OSBPL1A: variants seen among roughly 807,000 people sequenced by gnomAD.
OSBPL1A encodes the protein oxysterol-binding protein-related protein 1.
OSBPL1A carries 80 observed loss-of-function variants against 137.1 expected under a neutral mutation model. The ratio of observed to expected loss-of-function variants is 0.58; its 90% confidence interval spans 0.49 to 0.70. The LOEUF is 0.70. OSBPL1A is among the 30% of genes least tolerant of loss of function. The probability of loss-of-function intolerance (pLI) is 0.00; values close to 1 mark genes in which losing one functional copy is unlikely to be tolerated. For synonymous variants in OSBPL1A, 365 were observed against 389.7 expected (o/e 0.94, Z 0.75); for missense variants, 970 against 1,129.4 (o/e 0.86, Z 2.02).
intron 15 of OSBPL1A, among the ~76,000 whole-genome samples, chr18:24,248,995 A>G (rs1198746750): frequency 6.6e-6 from 1 of 152,212 alleles, no homozygotes; most frequent in African/African-American, 2.4e-5. Flanking sequence ...AGTCGTGTTC[A>G]CTCCCACGGT....
chr18:24,370,753 T>C (rs1905559540), intron 2 of OSBPL1A, among the ~76,000 whole-genome samples: 1 of 152,178 alleles, frequency 6.6e-6, no homozygotes, highest in South Asian at 2.1e-4. Flanking sequence ...CTGCAGCCTT[T>C]ACCTCCTGGG....
chr18:24,382,010 G>A (rs1289420312), intron 1 of OSBPL1A, among the ~76,000 whole-genome samples: 1 of 151,372 alleles, frequency 6.6e-6, no homozygotes, highest in African/African-American at 2.4e-5. Flanking sequence ...GTCAATAAAG[G>A]TTCATTCACC....
chr18:24,339,250 G>C (rs1225172880), intron 5 of OSBPL1A, among the ~76,000 whole-genome samples: 1 of 152,188 alleles, frequency 6.6e-6, no homozygotes, highest in Non-Finnish European at 1.5e-5. Context: ...GGGATTACAG[G>C]CATGAGCCAC....
intron 17 of OSBPL1A, among the ~76,000 whole-genome samples, chr18:24,213,141 C>T (rs906174914): frequency 6.6e-6 from 1 of 152,180 alleles, no homozygotes; most frequent in Non-Finnish European, 1.5e-5. Context: ...ACCTCTCCAA[C>T]TAAAATTAGC....
rs374889953 is a variant in OSBPL1A at position 24,187,967 on chromosome 18, T to C, written c.1678-6688A>G. ...TCAGCTCCCTTCCTGTTTTCTCCAT[T>C]TCCCTTTATTGTACACAACAGCAGG... On this transcript the variant is annotated intron_variant, in intron 18 of 27. Transcript: ENST00000319481. Among the ~76,000 whole-genome samples, 10 of 152,208 alleles carry C rather than the reference T, an allele frequency of 6.6e-5. No individual in the cohort carries two copies. The East Asian group carries it at 7.7e-4, about 12-fold the overall frequency.
chr18:24,202,251 C>T (rs2087243749), intron 17 of OSBPL1A, among the ~76,000 whole-genome samples: 1 of 152,194 alleles, frequency 6.6e-6, no homozygotes, highest in Admixed American at 6.5e-5. Flanking sequence ...CACAGCTGTA[C>T]AATTCTCCTT....
chr18:24,175,108 GTATATATATA>G lies in OSBPL1A; in HGVS notation c.2094-2635_2094-2626del, dbSNP rs71163664. On this transcript the variant is annotated intron_variant, in intron 21 of 27. Transcript: ENST00000319481. Reference sequence around the variant, plus strand: ...TCATGTGCTTATTTGCCATGTGTATGTATATATATATATATATATATATATATACACATAT... The same window carrying G: ...TCATGTGCTTATTTGCCATGTGTATGTATATATATATATATATACACATAT... Among the ~76,000 whole-genome samples, 113 of 111,404 alleles carry G rather than the reference GTATATATATA, an allele frequency of 1.0e-3. 2 individuals carry two copies. The highest frequency in any genetic ancestry group is 1.4e-3 in the Non-Finnish European group (86 of 60,248). The allele number at this position is 111,404 out of a possible 152,430, so 73.1% of individuals were successfully genotyped here. A position where few individuals can be genotyped will look rare whatever the true frequency, so the allele number is the denominator to read the frequency against.
intron 2 of OSBPL1A, among the ~76,000 whole-genome samples, chr18:24,375,755 CTCT>C (rs1206715005): frequency 6.6e-6 from 1 of 152,168 alleles, no homozygotes; most frequent in Non-Finnish European, 1.5e-5. Flanking sequence ...TCCCATGTGT[CTCT>C]TCATCATTAT....
At chr18:24,326,030 G>T (rs2090970980) in intron 7 of OSBPL1A, among the ~76,000 whole-genome samples, 1 of 151,750 alleles carries the variant, frequency 6.6e-6, no homozygotes, top group African/African-American at 2.4e-5. Context: ...AGGATTACAG[G>T]CGTGAGCCAC....
Position 24,232,420 on chromosome 18 carries a change from G to A in OSBPL1A, c.1444+6800C>T, listed in dbSNP as rs540232389. ...AGGTCAAAATTAGCCAAATGGTAGG[G>A]TATTGCTTGTGACAGAGTTTCTTAA... On this transcript the variant is annotated intron_variant, in intron 16 of 27. Transcript: ENST00000319481. 9.2e-5 allele frequency among the ~76,000 whole-genome samples: 14 copies of A among 152,308 alleles called. No individual in the cohort carries two copies. In the South Asian group the frequency reaches 2.7e-3, roughly 29 times the overall value.
At chr18:24,370,072 A>AT (rs1353806909) in intron 2 of OSBPL1A, among the ~76,000 whole-genome samples, 1 of 152,186 alleles carries the variant, frequency 6.6e-6, no homozygotes, top group Admixed American at 6.5e-5. Flanking sequence ...GAATTAAAAA[A>AT]TTAGCCAGGC....
rs777405740 is a variant in OSBPL1A at position 24,239,216 on chromosome 18, T to C, written c.1444+4A>G. ...CAATGCAGAGGGAAGGATCCCAGAG[T>C]TACCTGACAGCGCATCATAGAACTC... On this transcript the variant is annotated splice_donor_region_variant and intron_variant, in intron 16 of 27. Coordinates refer to ENST00000319481, the MANE Select transcript of OSBPL1A (RefSeq NM_080597.4). The C allele has an allele frequency of 8.1e-6, 13 of 1,612,652 alleles. No individual in the cohort carries two copies. The Admixed American group carries it at 2.2e-4, about 27-fold the overall frequency.
At chr18:24,388,916 T>C (rs1907131661) in intron 1 of OSBPL1A, among the ~76,000 whole-genome samples, 1 of 152,126 alleles carries the variant, frequency 6.6e-6, no homozygotes, top group African/African-American at 2.4e-5. Flanking sequence ...CTTTAATTCG[T>C]AAACTATTTA....
intron 4 of OSBPL1A, among the ~76,000 whole-genome samples, chr18:24,343,440 A>G (rs898983686): frequency 4.6e-5 from 7 of 152,196 alleles, no homozygotes; most frequent in Admixed American, 3.9e-4. Context: ...CCTATCAAAT[A>G]CTAACGACAT....
intron 18 of OSBPL1A, among the ~76,000 whole-genome samples, chr18:24,194,388 G>A (rs1032652068): frequency 1.3e-5 from 2 of 152,152 alleles, no homozygotes; most frequent in African/African-American, 4.8e-5. Context: ...TTGTGAAACT[G>A]ATTTTAATTT....
In OSBPL1A at chr18:24,396,315, A is replaced by T. The variant is rs150288478; in HGVS notation, c.-3+1340T>A. 6.1e-3 allele frequency among the ~76,000 whole-genome samples: 932 copies of T among 152,092 alleles called. 15 individuals are homozygous for T. The highest frequency in any genetic ancestry group is 0.021 in the African/African-American group (873 of 41,428). The stretch of plus-strand genomic sequence containing the variant: ...ATACATGCAAAAATGAGCAGCCTCC[A>T]GAGAGAAGAATTAGCCACCCACCAT... On this transcript the variant is annotated intron_variant, in intron 1 of 27. Coordinates refer to ENST00000319481, the MANE Select transcript of OSBPL1A (RefSeq NM_080597.4).
intron 5 of OSBPL1A, among the ~76,000 whole-genome samples, chr18:24,339,453 A>AAGCTAAGACCACATC: frequency 6.6e-6 from 1 of 152,288 alleles, no homozygotes; most frequent in Non-Finnish European, 1.5e-5. Flanking sequence ...TCTGTTTCCC[A>AAGCTAAGACCACATC]AGCTAAGACC....
chr18:24,211,347 G>A (rs2087537526), intron 17 of OSBPL1A, among the ~76,000 whole-genome samples: 1 of 152,086 alleles, frequency 6.6e-6, no homozygotes, highest in Non-Finnish European at 1.5e-5. Context: ...TTACATTATT[G>A]CAATCTTTTA....
chr18:24,324,966 A>G (rs1040914969), intron 7 of OSBPL1A, among the ~76,000 whole-genome samples: 3 of 150,356 alleles, frequency 2.0e-5, no homozygotes, highest in Non-Finnish European at 4.4e-5. Flanking sequence ...CGCACCTGTA[A>G]TCCCAGCCAC....
Sources: gnomAD v4.1 joint callset for allele counts (sites outside exome capture counted in the v4.1 genomes callset) on GRCh38, gnomAD v4.1.1 for gene constraint, MANE v1.5 for transcripts, NCBI Gene and HGNC (gene_info 2026-07-23, HGNC 2026-07-21) for gene names.